CCDC39: variants seen among roughly 807,000 people sequenced by gnomAD.
The protein encoded by CCDC39 is coiled-coil domain 39 molecular ruler complex subunit, also known as coiled-coil domain-containing protein 39.
Under a neutral mutation model 121.0 loss-of-function variants are expected in CCDC39, and 113 were observed. The ratio of observed to expected loss-of-function variants is 0.93; its 90% CI spans 0.80 to 1.09. CCDC39 has a LOEUF of 1.09. CCDC39 is among the 50% of genes least tolerant of loss of function. The pLI is 0.00. For missense variants in CCDC39, 1,063 were observed against 1,074.7 expected, an observed-to-expected ratio of 0.99 and a Z score of 0.15; for synonymous variants, 349 against 352.2, an observed-to-expected ratio of 0.99 and a Z score of 0.10.
chr3:180,657,027 C>G lies in CCDC39; in HGVS notation c.739-2074G>C, dbSNP rs554871035. ...TTATTCCTTTGCTTTCTTAATAAAGCTGCTTTCACTTTTACTCTGTGGATT... is the reference window on the plus strand; with the variant it reads ...TTATTCCTTTGCTTTCTTAATAAAGGTGCTTTCACTTTTACTCTGTGGATT... On this transcript the variant is annotated intron_variant, in intron 6 of 19. Transcript: ENST00000476379. 2.0e-5 allele frequency among the ~76,000 whole-genome samples: 3 copies of G among 152,342 alleles called. No homozygotes were observed. The East Asian group carries it at 5.8e-4, about 29-fold the overall frequency.
intron 14 of CCDC39, among the ~76,000 whole-genome samples, chr3:180,620,312 T>C (rs1032788888): frequency 7.2e-5 from 11 of 151,998 alleles, no homozygotes; most frequent in African/African-American, 2.7e-4. Flanking sequence ...ATACTAGATA[T>C]TAAATCAGAA....
intron 13 of CCDC39, among the ~76,000 whole-genome samples, chr3:180,635,581 C>A (rs1717805358): frequency 6.6e-6 from 1 of 152,170 alleles, no homozygotes; most frequent in South Asian, 2.1e-4. Flanking sequence ...CTATGCAAGT[C>A]CAAAACCTGG....
chr3:180,644,384 T>C (rs1718026340), intron 11 of CCDC39, 127 bp from the exon 12 acceptor site: 2 of 563,608 alleles, frequency 3.5e-6, no homozygotes, highest in East Asian at 3.3e-5. Context: ...TCCTATGTTT[T>C]ATTATCTCTC....
intron 1 of CCDC39, among the ~76,000 whole-genome samples, chr3:180,671,802 A>G (rs1023286330): frequency 3.9e-5 from 6 of 152,194 alleles, no homozygotes; most frequent in African/African-American, 1.2e-4. Context: ...GAAGCTGCAG[A>G]AGAAAAGTTT....
intron 16 of CCDC39, among the ~76,000 whole-genome samples, chr3:180,618,767 A>G (rs1717342124): frequency 6.6e-6 from 1 of 152,084 alleles, no homozygotes; most frequent in Non-Finnish European, 1.5e-5. Flanking sequence ...ATAGTATTCC[A>G]TGGTGTATAT....
intron 14 of CCDC39, among the ~76,000 whole-genome samples, chr3:180,624,821 T>C (rs996268401): frequency 6.6e-6 from 1 of 152,178 alleles, no homozygotes; most frequent in East Asian, 1.9e-4. Flanking sequence ...TTGTTTTCCT[T>C]TTAGTGCTTT....
chr3:180,642,089 T>C lies in CCDC39; in HGVS notation c.1778A>G (p.Tyr593Cys). ...LSLEKRKQQL[Y>C]TAMEERTEEI... is the part of the protein sequence containing the mutation. ...TTCAGTTCGCTCTTCCATTGCTGTG[T>C]ATAATTGCTGTTTTCTTTTTTCTAG... Residue 593 changes from tyrosine to cysteine, a missense_variant, in exon 13 of 20, where the codon TAC becomes TGC. Coordinates refer to ENST00000476379, the MANE Select transcript of CCDC39 (RefSeq NM_181426.2). 2.2e-5 allele frequency: 36 copies of C among 1,613,100 alleles called. No homozygotes were observed. Among genetic ancestry groups the C allele is most frequent in the Non-Finnish European group, 3.1e-5 (36 of 1,179,192 alleles).
chr3:180,649,082 C>A (rs6772636), intron 9 of CCDC39, among the ~76,000 whole-genome samples: 1 of 152,026 alleles, frequency 6.6e-6, no homozygotes, highest in African/African-American at 2.4e-5. Context: ...TTTATATAAT[C>A]TCATTTTTAA....
At chr3:180,650,863 A>G (rs991847102) in intron 9 of CCDC39, among the ~76,000 whole-genome samples, 11 of 151,964 alleles carry the variant, frequency 7.2e-5, no homozygotes, top group African/African-American at 2.7e-4. Context: ...TCTCAAAAAA[A>G]TAAAATAAAA....
At chr3:180,678,674 C>A (rs916144441) in intron 1 of CCDC39, among the ~76,000 whole-genome samples, 1 of 150,926 alleles carries the variant, frequency 6.6e-6, no homozygotes, top group African/African-American at 2.4e-5. Context: ...TTTTTTTTAA[C>A]AACTGCTATG....
At chr3:180,629,385 C>T (rs1305383226) in intron 14 of CCDC39, among the ~76,000 whole-genome samples, 4 of 152,296 alleles carry the variant, frequency 2.6e-5, no homozygotes, top group Non-Finnish European at 4.4e-5. Context: ...ATATCACTTA[C>T]GTTACTATCA....
At chr3:180,668,420 C>A (rs575307467) in intron 1 of CCDC39, among the ~76,000 whole-genome samples, 1 of 152,168 alleles carries the variant, frequency 6.6e-6, no homozygotes, top group East Asian at 1.9e-4. Flanking sequence ...CTCTTCCAGA[C>A]TTGGGGTCTT....
chr3:180,668,124 T>C (rs1048965040), intron 1 of CCDC39, among the ~76,000 whole-genome samples: 4 of 152,128 alleles, frequency 2.6e-5, no homozygotes, highest in African/African-American at 9.7e-5. Flanking sequence ...ATGCCTGTAA[T>C]CCCAATATGT....
At chr3:180,617,156 T>A (rs2108404770) in intron 16 of CCDC39, among the ~76,000 whole-genome samples, 190 bp from the exon 17 acceptor site, 1 of 152,228 alleles carries the variant, frequency 6.6e-6, no homozygotes, top group Non-Finnish European at 1.5e-5. Context: ...TCCCATAGGA[T>A]TATAATGGAG....
At chr3:180,632,045 A>T (rs1309171307) in intron 13 of CCDC39, among the ~76,000 whole-genome samples, 1 of 152,202 alleles carries the variant, frequency 6.6e-6, no homozygotes, top group Non-Finnish European at 1.5e-5. Flanking sequence ...GCTCAAGTGG[A>T]TGCTGCAAAC....
At chr3:180,651,602 T>A in intron 8 of CCDC39, 69 bp from the exon 9 acceptor site, 1 of 1,366,240 alleles carries the variant, frequency 7.3e-7, no homozygotes. Flanking sequence ...CAAATAATAG[T>A]TTATCCTAAT....
intron 1 of CCDC39, among the ~76,000 whole-genome samples, chr3:180,677,077 A>C (rs1458153407): frequency 1.4e-5 from 2 of 147,706 alleles, no homozygotes; most frequent in East Asian, 4.0e-4. Context: ...GCACACCAAC[A>C]TGGCACATGT....
chr3:180,639,334 G>A (rs1238002481), intron 13 of CCDC39, among the ~76,000 whole-genome samples: 1 of 152,124 alleles, frequency 6.6e-6, no homozygotes, highest in African/African-American at 2.4e-5. Flanking sequence ...CAATGACAGA[G>A]TTGAGTGAGT....
At chr3:180,645,111 T>C (rs1349730961) in intron 11 of CCDC39, among the ~76,000 whole-genome samples, 1 of 152,140 alleles carries the variant, frequency 6.6e-6, no homozygotes, top group African/African-American at 2.4e-5. Flanking sequence ...AGTTTCCTCA[T>C]CTCTAAATGG....
Sources: allele counts gnomAD v4.1 joint callset (sites outside exome capture counted in the v4.1 genomes callset), GRCh38; gene constraint gnomAD v4.1.1; transcripts MANE v1.5; gene names NCBI Gene and HGNC (gene_info 2026-07-23, HGNC 2026-07-21).